Variants in LRRC7 observed in about 807,000 individuals in gnomAD.
LRRC7 encodes the protein leucine-rich repeat-containing protein 7.
A neutral mutation model predicts 175.7 loss-of-function variants in LRRC7; 23 were observed. The observed-to-expected ratio is 0.13, with a 90% CI of 0.09 to 0.19. The LOEUF is 0.19. Among genes scored for constraint, LRRC7 ranks in the 10% least tolerant of loss-of-function variants. LRRC7 has a pLI of 1.00. For synonymous variants in LRRC7, 685 were observed against 680.9 expected (o/e 1.01, Z -0.09); for missense variants, 1,354 against 1,904.7 (o/e 0.71, Z 5.38).
At chr1:69,802,686 CT>C (rs576230206) in intron 4 of LRRC7, among the ~76,000 whole-genome samples, 242 of 151,318 alleles carry the variant, frequency 1.6e-3, no homozygotes, top group Admixed American at 3.4e-3. Context: ...TAATCTATGT[CT>C]TTTAAAGGAA....
At chr1:69,994,720 A>G (rs527361758) in intron 11 of LRRC7, 87 bp downstream of exon 11, 6 of 820,842 alleles carry the variant, frequency 7.3e-6, no homozygotes, top group African/African-American at 5.1e-5. Context: ...AACATTTTCT[A>G]CTAAAGATAC....
chr1:69,851,270 A>T lies in LRRC7; in HGVS notation c.647+12987A>T, dbSNP rs114575116. 6.2e-3 allele frequency among the ~76,000 whole-genome samples: 946 copies of T among 152,232 alleles called. 11 individuals carry two copies. Among genetic ancestry groups the T allele is most frequent in the African/African-American group, 0.022 (899 of 41,562 alleles). On this transcript the variant is annotated intron_variant, in intron 7 of 26. Transcript: ENST00000651989. Reference sequence around the variant, plus strand: ...GTTGAGGAGAAAATAGGGATTAGCAAAAAGAGACAACAAGCACAATTTCTT... The same window carrying T: ...GTTGAGGAGAAAATAGGGATTAGCATAAAGAGACAACAAGCACAATTTCTT...
intron 2 of LRRC7, among the ~76,000 whole-genome samples, chr1:69,693,039 G>A (rs150021279): frequency 6.6e-6 from 1 of 151,546 alleles, no homozygotes; most frequent in East Asian, 2.0e-4. Context: ...CGCAGACACG[G>A]ACAGGAGTCT....
intron 23 of LRRC7, among the ~76,000 whole-genome samples, chr1:70,066,211 A>T (rs1195508042): frequency 6.6e-6 from 1 of 151,884 alleles, no homozygotes; most frequent in Non-Finnish European, 1.5e-5. Flanking sequence ...AGTGTATTGC[A>T]TTATCTTCTT....
chr1:69,822,848 C>G (rs976245149), intron 4 of LRRC7, among the ~76,000 whole-genome samples: 1 of 152,190 alleles, frequency 6.6e-6, no homozygotes, highest in Non-Finnish European at 1.5e-5. Flanking sequence ...CAAAAATACT[C>G]TCATCTGCAG....
intron 8 of LRRC7, among the ~76,000 whole-genome samples, chr1:69,960,566 T>C (rs1003911482): frequency 1.3e-5 from 2 of 152,010 alleles, no homozygotes; most frequent in African/African-American, 2.4e-5. Context: ...TTAGTTCTGA[T>C]GTTGGGTTGT....
chr1:69,735,748 G>T (rs958539866), intron 2 of LRRC7, among the ~76,000 whole-genome samples: 1 of 151,906 alleles, frequency 6.6e-6, no homozygotes, highest in East Asian at 1.9e-4. Context: ...CATGGTATTA[G>T]CATTCTTTCA....
At chr1:70,022,505 TTGTG>T (rs1017146652) in intron 16 of LRRC7, 1 of 152,168 alleles carries the variant, frequency 6.6e-6, no homozygotes, top group African/African-American at 2.4e-5. Context: ...GAAGCCCTGT[TTGTG>T]TGTTATGTGT....
At chr1:69,881,833 C>T (rs12035360) in intron 7 of LRRC7, among the ~76,000 whole-genome samples, 82,397 of 148,690 alleles carry the variant, frequency 0.55, 22,934 homozygotes, top group East Asian at 0.7. Flanking sequence ...TGAGCCATGA[C>T]TGCACCACTG....
intron 2 of LRRC7, among the ~76,000 whole-genome samples, chr1:69,729,472 C>T (rs1293692200): frequency 6.6e-6 from 1 of 152,082 alleles, no homozygotes; most frequent in Non-Finnish European, 1.5e-5. Context: ...GAGAAGTTGG[C>T]CAAAACAAAG....
chr1:69,838,458 T>A (rs1681362069), intron 7 of LRRC7, 175 bp downstream of exon 7: 2 of 563,290 alleles, frequency 3.6e-6, no homozygotes, highest in Non-Finnish European at 3.2e-6. Context: ...TGAGAATGTA[T>A]TCTGTTTTAT....
intron 23 of LRRC7, 23 bp from the exon 24 acceptor site, chr1:70,076,054 C>G (rs780246716): frequency 6.2e-7 from 1 of 1,611,464 alleles, no homozygotes; most frequent in Non-Finnish European, 8.5e-7. Flanking sequence ...GAATCTTTGC[C>G]TGACAGATTA....
At chr1:69,787,227 C>T (rs919890862) in intron 3 of LRRC7, among the ~76,000 whole-genome samples, 13 of 152,350 alleles carry the variant, frequency 8.5e-5, no homozygotes, top group South Asian at 4.1e-4. Context: ...CTTGTGGCCT[C>T]GCAGGGTACG....
In LRRC7 at chr1:69,991,965, A is replaced by G. The variant is rs796520234; in HGVS notation, c.932-2596A>G. On this transcript the variant is annotated intron_variant, in intron 10 of 26. Transcript: ENST00000651989. The stretch of plus-strand genomic sequence containing the variant: ...CTCAATAAAGAAAAATAAAAGAAAA[A>G]GAAATATTTTTTGCTTAATAATTTA... 4.4e-4 allele frequency among the ~76,000 whole-genome samples: 67 copies of G among 151,950 alleles called. 1 individual carries two copies. Among genetic ancestry groups the G allele is most frequent in the African/African-American group, 1.5e-3 (62 of 41,570 alleles).
At chr1:69,897,962 G>C (rs140413484) in intron 7 of LRRC7, among the ~76,000 whole-genome samples, 2 of 152,208 alleles carry the variant, frequency 1.3e-5, no homozygotes, top group Non-Finnish European at 2.9e-5. Context: ...TCCGTGCAGA[G>C]TAGATTATAG....
chr1:69,591,008 T>C (rs1646608931), intron 1 of LRRC7, among the ~76,000 whole-genome samples: 1 of 152,154 alleles, frequency 6.6e-6, no homozygotes, highest in Admixed American at 6.6e-5. Flanking sequence ...CTATAACTGT[T>C]TTTTAAATAT....
At position 70,104,887 on chromosome 1, in the gene LRRC7, T is replaced by C. The variant is rs116191768; in HGVS notation, c.4546-2865T>C. On this transcript the variant is annotated intron_variant, in intron 25 of 26. Transcript: ENST00000651989. ...ATTCATACAAACATTATTAAAACTGTTCCTGTACAATGAGCTAAAGAAAGG... is the reference window on the plus strand; with the variant it reads ...ATTCATACAAACATTATTAAAACTGCTCCTGTACAATGAGCTAAAGAAAGG... 6.3e-3 allele frequency among the ~76,000 whole-genome samples: 957 copies of C among 152,316 alleles called. 8 individuals are homozygous for C. The highest frequency in any genetic ancestry group is 0.022 in the African/African-American group (901 of 41,570).
At chr1:69,733,959 C>T (rs79473219) in intron 2 of LRRC7, among the ~76,000 whole-genome samples, 2,657 of 152,016 alleles carry the variant, frequency 0.017, 71 homozygotes, top group African/African-American at 0.059. Flanking sequence ...TTTTAGGTTA[C>T]TATAAATAGG....
intron 2 of LRRC7, among the ~76,000 whole-genome samples, chr1:69,719,605 T>C (rs1570497963): frequency 6.6e-6 from 1 of 151,624 alleles, no homozygotes; most frequent in Non-Finnish European, 1.5e-5. Flanking sequence ...TAACAACCAC[T>C]AAATCTTTTT....
Sources: allele counts gnomAD v4.1 joint callset (sites outside exome capture counted in the v4.1 genomes callset), GRCh38; gene constraint gnomAD v4.1.1; transcripts MANE v1.5; gene names NCBI Gene and HGNC (gene_info 2026-07-23, HGNC 2026-07-21).